The following FRMD3 variants were observed in gnomAD, a reference collection of about 807,000 sequenced individuals.
FRMD3 encodes the protein FERM domain-containing protein 3.
FRMD3 carries 33 observed loss-of-function variants against 70.2 expected under a neutral mutation model. The observed-to-expected ratio is 0.47, with a 90% CI of 0.36 to 0.63. FRMD3 has a LOEUF of 0.63. Ranked by LOEUF, FRMD3 falls within the 20% of genes least tolerant of loss-of-function variation. The pLI, the probability that FRMD3 is intolerant of heterozygous loss-of-function variation, is 0.00. For synonymous variants in FRMD3, 279 were observed against 255.9 expected, an observed-to-expected ratio of 1.09 and a Z score of -0.86; for missense variants, 632 against 711.4, an observed-to-expected ratio of 0.89 and a Z score of 1.27.
At chr9:83,249,308 T>C (rs769941194) in intron 13 of FRMD3, among the ~76,000 whole-genome samples, 1 of 152,212 alleles carries the variant, frequency 6.6e-6, no homozygotes, top group African/African-American at 2.4e-5. Context: ...TTCTAATGTT[T>C]ATTGAGAGAG....
At chr9:83,323,586 T>C (rs1239284464) in intron 6 of FRMD3, among the ~76,000 whole-genome samples, 4 of 152,164 alleles carry the variant, frequency 2.6e-5, no homozygotes, top group Non-Finnish European at 5.9e-5. Flanking sequence ...TTCAGGACTC[T>C]GCAGAGAGCC....
rs113372819 is a variant in FRMD3 at position 83,394,825 on chromosome 9, A to G, written c.148-5117T>C. 3.0e-3 allele frequency among the ~76,000 whole-genome samples: 455 copies of G among 152,296 alleles called. 2 individuals are homozygous for G. Among genetic ancestry groups the G allele is most frequent in the African/African-American group, 0.011 (439 of 41,574 alleles). On this transcript the variant is annotated intron_variant, in intron 1 of 13. Transcript: ENST00000304195. ...ACCCCAAAGTATGTACTAGGAAAAC[A>G]GAAGATGCCACTGTGTTCTAATCTT...
intron 1 of FRMD3, among the ~76,000 whole-genome samples, chr9:83,408,118 A>G (rs1826179095): frequency 6.6e-6 from 1 of 152,190 alleles, no homozygotes. Context: ...ACTGATTACA[A>G]GTGAGTCACT....
chr9:83,367,470 T>C (rs372595370), intron 3 of FRMD3, among the ~76,000 whole-genome samples: 30 of 152,212 alleles, frequency 2.0e-4, no homozygotes, highest in Admixed American at 3.3e-4. Flanking sequence ...AAGTAAATAG[T>C]AGCAAGCAGA....
chr9:83,503,084 T>C (rs1829108611), intron 1 of FRMD3, among the ~76,000 whole-genome samples: 2 of 152,126 alleles, frequency 1.3e-5, no homozygotes, highest in African/African-American at 4.8e-5. Context: ...AAGGGCAGAA[T>C]TTCTAAAATG....
At chr9:83,459,117 G>A (rs923294401) in intron 1 of FRMD3, among the ~76,000 whole-genome samples, 1 of 152,174 alleles carries the variant, frequency 6.6e-6, no homozygotes, top group Non-Finnish European at 1.5e-5. Context: ...GTAAAAGGCT[G>A]TGTGACATCA....
At chr9:83,282,348 C>T (rs1587673049) in intron 13 of FRMD3, among the ~76,000 whole-genome samples, 1 of 152,192 alleles carries the variant, frequency 6.6e-6, no homozygotes. Flanking sequence ...GTACTTTTAT[C>T]ATCGTCTAAA....
At chr9:83,360,319 T>C (rs1824541138) in intron 3 of FRMD3, among the ~76,000 whole-genome samples, 1 of 152,198 alleles carries the variant, frequency 6.6e-6, no homozygotes, top group Non-Finnish European at 1.5e-5. Context: ...TAACTTGGTA[T>C]TGAGATTTGA....
chr9:83,461,086 A>C (rs1827957618), intron 1 of FRMD3, among the ~76,000 whole-genome samples: 2 of 152,192 alleles, frequency 1.3e-5, no homozygotes, highest in African/African-American at 4.8e-5. Context: ...TTATCCCTGC[A>C]ACTCATGAAT....
chr9:83,393,435 T>A (rs141466252), intron 1 of FRMD3, among the ~76,000 whole-genome samples: 1 of 152,336 alleles, frequency 6.6e-6, no homozygotes, highest in Non-Finnish European at 1.5e-5. Flanking sequence ...AGATAATTTT[T>A]CCAACGACAG....
chr9:83,516,761 TAACA>T (rs1454967955), intron 1 of FRMD3, among the ~76,000 whole-genome samples: 1 of 152,178 alleles, frequency 6.6e-6, no homozygotes, highest in East Asian at 1.9e-4. Context: ...ATGGAAATCA[TAACA>T]AACAGTTTCT....
chr9:83,271,127 T>G (rs947080281), intron 13 of FRMD3, among the ~76,000 whole-genome samples: 1 of 152,220 alleles, frequency 6.6e-6, no homozygotes, highest in Non-Finnish European at 1.5e-5. Context: ...AGGCATTTAA[T>G]AAATACTAAC....
chr9:83,283,346 T>C (rs1347397640), intron 13 of FRMD3, among the ~76,000 whole-genome samples: 7 of 151,866 alleles, frequency 4.6e-5, no homozygotes, highest in African/African-American at 1.7e-4. Flanking sequence ...CTGGCTAACA[T>C]GGTGAAACCC....
chr9:83,548,005 AAAC>A, the FRMD3 span, among the ~76,000 whole-genome samples: 1 of 152,246 alleles, frequency 6.6e-6, no homozygotes, highest in Non-Finnish European at 1.5e-5. Flanking sequence ...TTACAAATTA[AAAC>A]AACAATGAGA....
intron 1 of FRMD3, among the ~76,000 whole-genome samples, 167 bp from the exon 2 acceptor site, chr9:83,389,875 T>C (rs1165922822): frequency 2.0e-5 from 3 of 152,020 alleles, no homozygotes; most frequent in African/African-American, 7.2e-5. Flanking sequence ...TCCTCAATGA[T>C]AAATACATTT....
chr9:83,244,314 T>TGTCA (rs1554674814), downstream of FRMD3, among the ~76,000 whole-genome samples: 3 of 136,402 alleles, frequency 2.2e-5, no homozygotes, highest in Admixed American at 2.3e-4. Flanking sequence ...TGCTCCTATC[T>TGTCA]GTCAGTCAGA....
At chr9:83,381,619 CA>C (rs1014402170) in intron 2 of FRMD3, among the ~76,000 whole-genome samples, 8 of 151,976 alleles carry the variant, frequency 5.3e-5, no homozygotes, top group Admixed American at 3.9e-4. Flanking sequence ...CTCCTTTAGC[CA>C]TGATGTTTTT....
rs111229000 is a variant in FRMD3 at position 83,427,452 on chromosome 9, A to G, written c.148-37744T>C. 4.4e-3 allele frequency among the ~76,000 whole-genome samples: 676 copies of G among 152,304 alleles called. 3 individuals carry two copies. Among genetic ancestry groups the G allele is most frequent in the African/African-American group, 0.015 (640 of 41,554 alleles). The stretch of plus-strand genomic sequence containing the variant: ...GTCTTGCTCGGTACCTGACCTAGAA[A>G]GGTGTCATTCTTGATGTGCTAGTCT... On this transcript the variant is annotated intron_variant, in intron 1 of 13. Coordinates refer to ENST00000304195, the MANE Select transcript of FRMD3 (RefSeq NM_174938.6).
At chr9:83,446,503 C>A (rs1320025770) in intron 1 of FRMD3, among the ~76,000 whole-genome samples, 2 of 151,984 alleles carry the variant, frequency 1.3e-5, no homozygotes, top group South Asian at 4.2e-4. Context: ...AAAAATTAGC[C>A]GGGCGCGGTG....
Sources: gnomAD v4.1 joint callset for allele counts (sites outside exome capture counted in the v4.1 genomes callset) on GRCh38, gnomAD v4.1.1 for gene constraint, MANE v1.5 for transcripts, NCBI Gene and HGNC (gene_info 2026-07-23, HGNC 2026-07-21) for gene names.